PXN: variants seen among roughly 807,000 people sequenced by gnomAD.
The protein encoded by PXN is paxillin, also known as testicular tissue protein Li 134.
A neutral mutation model predicts 103.6 loss-of-function variants in PXN; 61 were observed. The ratio of observed to expected loss-of-function variants is 0.59; its 90% CI spans 0.48 to 0.73. The LOEUF (loss-of-function observed/expected upper bound fraction) is 0.73. PXN is among the 30% of genes least tolerant of loss of function. The pLI is 0.00. For synonymous variants in PXN, 562 were observed against 607.8 expected (o/e 0.92, Z 1.11); for missense variants, 1,274 against 1,460.3 (o/e 0.87, Z 2.08).
intron 1 of PXN, chr12:120,249,785 G>A: frequency 1.1e-6 from 1 of 878,828 alleles, no homozygotes; most frequent in Non-Finnish European, 1.4e-6. Flanking sequence ...GAAGGGGGAG[G>A]AGTTCTTGGA....
rs761875645 is a variant in PXN, at chr12:120,214,792, G to A, written c.2748+33C>T. 198 of 1,611,708 alleles carry A rather than the reference G, an allele frequency of 1.2e-4. No homozygotes were observed. Among genetic ancestry groups the A allele is most frequent in the Non-Finnish European group, 1.6e-4 (186 of 1,178,414 alleles). On this transcript the variant is annotated intron_variant, in intron 12 of 14. Coordinates refer to ENST00000637617, the MANE Select transcript of PXN (RefSeq NM_001385981.1). This position sits in a 1 kb window ranked among gnomAD's most constrained non-coding sequence, Gnocchi z 5.0. ...GGGCTGCGGTGAAGCTGGAATGAGCGGAAGCGGGCGCGGTGCCGGATGAGG... is the reference window on the plus strand; with the variant it reads ...GGGCTGCGGTGAAGCTGGAATGAGCAGAAGCGGGCGCGGTGCCGGATGAGG...
chr12:120,240,895 C>G (rs1201343111), intron 1 of PXN, among the ~76,000 whole-genome samples: 8 of 152,340 alleles, frequency 5.3e-5, no homozygotes, highest in Admixed American at 1.3e-4. Context: ...CCACAATCCA[C>G]CCTCTTCCTG....
In PXN at chr12:120,224,630, T is replaced by G; in HGVS notation, c.14-253A>C. On this transcript the variant is annotated intron_variant, in intron 1 of 14. Coordinates refer to ENST00000637617, the MANE Select transcript of PXN (RefSeq NM_001385981.1). This position sits in a 1 kb window ranked among gnomAD's most constrained non-coding sequence, Gnocchi z 5.0. ...AGAGGCGGGCTCTGGGGCTGCCCTG[T>G]GGGATCTCCTACCTCTGGGAGTCAG... is the stretch of plus-strand genomic sequence containing the variant. 2 of 676,746 alleles carry G rather than the reference T, an allele frequency of 3.0e-6. No individual in the cohort carries two copies. Among genetic ancestry groups the G allele is most frequent in the Non-Finnish European group, 5.4e-6 (2 of 368,924 alleles). 41.9% of individuals were successfully genotyped at this position (676,746 alleles called of 1,614,324 possible).
chr12:120,218,042 A>ATT (rs1167466002), intron 7 of PXN, among the ~76,000 whole-genome samples: 70 of 99,220 alleles, frequency 7.1e-4, no homozygotes, highest in Middle Eastern at 6.4e-3. Flanking sequence ...AGCTTGGGGG[A>ATT]TTTTTTTTTT....
intron 1 of PXN, among the ~76,000 whole-genome samples, chr12:120,257,955 G>C (rs1033063029): frequency 6.6e-6 from 1 of 152,162 alleles, no homozygotes; most frequent in Non-Finnish European, 1.5e-5. Flanking sequence ...CACTTTGGGA[G>C]GCCAAGGCGG....
rs898862438 is a variant in PXN at position 120,228,108 on chromosome 12, T to C, written c.14-3731A>G. On this transcript the variant is annotated intron_variant, in intron 1 of 14. Coordinates refer to ENST00000637617, the MANE Select transcript of PXN (RefSeq NM_001385981.1). The surrounding 1 kb of genome is among the most constrained non-coding windows in gnomAD (Gnocchi z 4.7). ...CACTGAAACCATTCAAGACCAGGAA[T>C]ACACCCTCCCTTCCCACATGCTGGG... Among the ~76,000 whole-genome samples the C allele has an allele frequency of 7.2e-5, 11 of 152,220 alleles. No homozygotes were observed. Among genetic ancestry groups the C allele is most frequent in the African/African-American group, 2.7e-4 (11 of 41,456 alleles).
Position 120,214,755 on chromosome 12 carries a change from T to C in PXN, c.2748+70A>G. On this transcript the variant is annotated intron_variant, in intron 12 of 14. Coordinates refer to ENST00000637617, the MANE Select transcript of PXN (RefSeq NM_001385981.1). This position sits in a 1 kb window ranked among gnomAD's most constrained non-coding sequence, Gnocchi z 5.0. Reference sequence around the variant, plus strand: ...TCTCTGAGCCTCCCACGGCACCCCCTGCATCCTCAGAGGGCTGCGGTGAAG... The same window carrying C: ...TCTCTGAGCCTCCCACGGCACCCCCCGCATCCTCAGAGGGCTGCGGTGAAG... 6.3e-7 allele frequency: 1 copy of C among 1,580,612 alleles called. No individual in the cohort carries two copies. Among genetic ancestry groups the C allele is most frequent in the South Asian group, 1.1e-5 (1 of 88,050 alleles).
chr12:120,237,457 C>T (rs976794551), intron 1 of PXN, among the ~76,000 whole-genome samples: 1 of 152,072 alleles, frequency 6.6e-6, no homozygotes, highest in Non-Finnish European at 1.5e-5. Flanking sequence ...ACCATCAGCC[C>T]CACCCGCATG....
intron 1 of PXN, among the ~76,000 whole-genome samples, chr12:120,261,881 A>G (rs1023404478): frequency 6.6e-6 from 1 of 152,214 alleles, no homozygotes; most frequent in African/African-American, 2.4e-5. Flanking sequence ...ACATATCAGA[A>G]AGTGTACCCG....
At chr12:120,238,331 C>T (rs1480781748) in intron 1 of PXN, among the ~76,000 whole-genome samples, 3 of 152,128 alleles carry the variant, frequency 2.0e-5, no homozygotes, top group Non-Finnish European at 4.4e-5. Flanking sequence ...GCTGAGGAAG[C>T]AGGCCAAGCA....
intron 1 of PXN, chr12:120,226,821 C>A: frequency 9.8e-7 from 1 of 1,018,514 alleles, no homozygotes; most frequent in Non-Finnish European, 1.2e-6. Flanking sequence ...TCTCAGTAAG[C>A]TCTTGAATAA....
intron 1 of PXN, among the ~76,000 whole-genome samples, chr12:120,248,492 T>A (rs986321454): frequency 3.1e-5 from 4 of 127,842 alleles, no homozygotes; most frequent in African/African-American, 1.2e-4. Context: ...CAGATGACTT[T>A]CACACACACA....
At position 120,214,382 on chromosome 12, in the gene PXN, CAG is replaced by C. The variant is rs911804866; in HGVS notation, c.2749-167_2749-166del. Among the ~76,000 whole-genome samples, 3 of 152,170 alleles carry C rather than the reference CAG, an allele frequency of 2.0e-5. No homozygotes were observed. The highest frequency in any genetic ancestry group is 2.9e-5 in the Non-Finnish European group (2 of 68,040). ...TGTGCTGTGAATGCCTCTAAGAATTCAGAGTTACTCAGGATGGGACAAGCCAG... is the reference window on the plus strand; with the variant it reads ...TGTGCTGTGAATGCCTCTAAGAATTCAGTTACTCAGGATGGGACAAGCCAG... On this transcript the variant is annotated intron_variant, in intron 12 of 14. Transcript: ENST00000637617. This position sits in a 1 kb window ranked among gnomAD's most constrained non-coding sequence, Gnocchi z 5.0.
chr12:120,222,529 A>G lies in PXN; in HGVS notation c.695+20T>C. Reference sequence around the variant, plus strand: ...TGGGCCAGCCCTTCCCCACCTGGGGAGGGCCCAGTGGGTACTCACACGGGG... The same window carrying G: ...TGGGCCAGCCCTTCCCCACCTGGGGGGGGCCCAGTGGGTACTCACACGGGG... On this transcript the variant is annotated intron_variant, in intron 5 of 14. Transcript: ENST00000637617. This position sits in a 1 kb window ranked among gnomAD's most constrained non-coding sequence, Gnocchi z 4.7. The G allele has an allele frequency of 6.4e-7, 1 of 1,573,296 alleles. No homozygotes were observed. Among genetic ancestry groups the G allele is most frequent in the Non-Finnish European group, 8.6e-7 (1 of 1,159,630 alleles).
chr12:120,231,964 T>A (rs992703591), intron 1 of PXN, among the ~76,000 whole-genome samples: 1 of 152,256 alleles, frequency 6.6e-6, no homozygotes, highest in Non-Finnish European at 1.5e-5. Flanking sequence ...AGCACTTCTA[T>A]GCATCTGCCT....
intron 1 of PXN, among the ~76,000 whole-genome samples, chr12:120,252,190 G>A (rs1349474528): frequency 6.6e-6 from 1 of 152,124 alleles, no homozygotes; most frequent in Admixed American, 6.5e-5. Flanking sequence ...TGTGGGTGTC[G>A]CAGTTCATAC....
chr12:120,235,276 G>GCA (rs1888816810), intron 1 of PXN, among the ~76,000 whole-genome samples: 1 of 152,164 alleles, frequency 6.6e-6, no homozygotes, highest in Admixed American at 6.5e-5. Flanking sequence ...TCTGAGCCCA[G>GCA]CAGAGTGCCA....
rs1881683444 is a variant in PXN, at chr12:120,214,271, G to C, written c.2749-54C>G. On this transcript the variant is annotated intron_variant, in intron 12 of 14. Transcript: ENST00000637617. The surrounding 1 kb of genome is among the most constrained non-coding windows in gnomAD (Gnocchi z 5.0). Reference sequence around the variant, plus strand: ...TGAGCTCTGGGCAGATCTCACAACTGAGACGCCCAGCAAGGCCGTCCTTCC... The same window carrying C: ...TGAGCTCTGGGCAGATCTCACAACTCAGACGCCCAGCAAGGCCGTCCTTCC... 1 of 1,472,428 alleles carries C rather than the reference G, an allele frequency of 6.8e-7. No individual in the cohort carries two copies. The allele number at this position is 1,472,428 out of a possible 1,614,324, so 91.2% of individuals were successfully genotyped here. A position where few individuals can be genotyped will look rare whatever the true frequency, so the allele number is the denominator to read the frequency against.
At chr12:120,243,685 T>C (rs1890545399) in intron 1 of PXN, among the ~76,000 whole-genome samples, 1 of 152,214 alleles carries the variant, frequency 6.6e-6, no homozygotes, top group Non-Finnish European at 1.5e-5. Flanking sequence ...AGAGAAATCC[T>C]ATCTCTTAAA....
Sources: gnomAD v4.1 joint callset for allele counts (sites outside exome capture counted in the v4.1 genomes callset) on GRCh38, gnomAD v4.1.1 for gene constraint, Gnocchi (gnomAD v3.1) non-coding constraint, MANE v1.5 for transcripts, NCBI Gene and HGNC (gene_info 2026-07-23, HGNC 2026-07-21) for gene names.